The following TTC3 variants were observed in gnomAD, a reference collection of about 807,000 sequenced individuals.
TTC3 encodes the protein E3 ubiquitin-protein ligase TTC3.
In TTC3, 180 loss-of-function variants were observed where a neutral mutation model predicts 249.6. The ratio of observed to expected loss-of-function variants is 0.72; its 90% CI spans 0.64 to 0.82. The LOEUF is 0.82. TTC3 is among the 40% of genes least tolerant of loss of function. TTC3 has a pLI of 0.00. For synonymous variants in TTC3, 717 were observed against 805.0 expected (o/e 0.89, Z 1.85); for missense variants, 2,061 against 2,398.4 (o/e 0.86, Z 2.94).
chr21:37,119,870 A>G (rs1474801117), intron 11 of TTC3, among the ~76,000 whole-genome samples: 1 of 152,098 alleles, frequency 6.6e-6, no homozygotes, highest in Non-Finnish European at 1.5e-5. Context: ...AAAGACTTTT[A>G]CCATGTAGTG....
At chr21:37,174,058 G>A (rs2082030872) in intron 35 of TTC3, among the ~76,000 whole-genome samples, 1 of 152,196 alleles carries the variant, frequency 6.6e-6, no homozygotes, top group Non-Finnish European at 1.5e-5. Flanking sequence ...AGTCTTAAAG[G>A]TAGCATTCAG....
chr21:37,090,549 A>T, intron 6 of TTC3: 21 of 938,114 alleles, frequency 2.2e-5, no homozygotes, highest in Non-Finnish European at 2.7e-5. Flanking sequence ...TAGATTATTT[A>T]CCTGGCTTAT....
intron 1 of TTC3, among the ~76,000 whole-genome samples, chr21:37,079,416 A>C (rs746213112): frequency 2.0e-5 from 3 of 151,272 alleles, no homozygotes; most frequent in Non-Finnish European, 4.4e-5. Flanking sequence ...TTTAGTAGTA[A>C]TTAGCAGTTG....
intron 33 of TTC3, 54 bp downstream of exon 33, chr21:37,166,669 AT>A: frequency 2.0e-6 from 3 of 1,507,312 alleles, no homozygotes. Flanking sequence ...TTTCCTTTTC[AT>A]TTTTCATTGC....
chr21:37,107,554 A>T (rs1462907382), intron 10 of TTC3, among the ~76,000 whole-genome samples: 1 of 152,216 alleles, frequency 6.6e-6, no homozygotes, highest in Non-Finnish European at 1.5e-5. Flanking sequence ...TCTACCTCAG[A>T]ACAGGTAGAA....
intron 20 of TTC3, among the ~76,000 whole-genome samples, chr21:37,141,290 G>A (rs2078423223): frequency 6.6e-6 from 1 of 152,168 alleles, no homozygotes; most frequent in South Asian, 2.1e-4. Context: ...ACCCAATATA[G>A]AGGTAGGTAT....
chr21:37,128,123 A>G (rs371218577), intron 15 of TTC3, among the ~76,000 whole-genome samples: 39 of 152,308 alleles, frequency 2.6e-4, no homozygotes, highest in African/African-American at 2.9e-4. Flanking sequence ...CCTTTCCAAA[A>G]GCTGCTTTTG....
intron 10 of TTC3, chr21:37,099,037 G>A (rs751014802): frequency 6.6e-6 from 1 of 152,186 alleles, no homozygotes; most frequent in Non-Finnish European, 1.5e-5. Flanking sequence ...TGCTGTCATT[G>A]AAGCAAGAAT....
chr21:37,138,178 G>T (rs1010691936), intron 18 of TTC3, among the ~76,000 whole-genome samples: 1 of 152,032 alleles, frequency 6.6e-6, no homozygotes, highest in Non-Finnish European at 1.5e-5. Flanking sequence ...CTACAGTATC[G>T]CTAAAACATA....
intron 18 of TTC3, among the ~76,000 whole-genome samples, chr21:37,137,602 T>C (rs1374944508): frequency 1.3e-5 from 2 of 152,154 alleles, no homozygotes; most frequent in African/African-American, 4.8e-5. Context: ...TTTCTTGAAA[T>C]GGAATCTACT....
intron 18 of TTC3, among the ~76,000 whole-genome samples, chr21:37,137,802 C>G (rs2078092358): frequency 6.6e-6 from 1 of 152,134 alleles, no homozygotes; most frequent in Non-Finnish European, 1.5e-5. Flanking sequence ...ACTTCATTGT[C>G]TTATTTTAAG....
exon 33 of TTC3, chr21:37,166,593 A>C: frequency 1.9e-6 from 3 of 1,612,834 alleles, no homozygotes; most frequent in Non-Finnish European, 2.5e-6. Flanking sequence ...AACATTCCAC[A>C]CGTGCAGATG....
At chr21:37,121,753 T>C (rs1696958642) in intron 11 of TTC3, 64 bp from the exon 12 acceptor site, 2 of 1,427,986 alleles carry the variant, frequency 1.4e-6, no homozygotes, top group Non-Finnish European at 1.9e-6. Flanking sequence ...ACATTTTTCC[T>C]TACCTGTTTT....
intron 10 of TTC3, among the ~76,000 whole-genome samples, chr21:37,103,155 A>C (rs2074684541): frequency 6.6e-6 from 1 of 152,198 alleles, no homozygotes. Context: ...GCAAATCCAC[A>C]TGGAAACTAG....
intron 12 of TTC3, 62 bp from the exon 13 acceptor site, chr21:37,122,921 T>A (rs2076740219): frequency 1.3e-6 from 2 of 1,569,910 alleles, no homozygotes; most frequent in South Asian, 2.3e-5. Flanking sequence ...TTGAAATCTT[T>A]TAAAGTCTGT....
At chr21:37,180,708 T>C (rs2082679434) in intron 35 of TTC3, among the ~76,000 whole-genome samples, 1 of 150,046 alleles carries the variant, frequency 6.7e-6, no homozygotes. Context: ...CATGTATACA[T>C]ATGTAACTAA....
chr21:37,111,200 A>G (rs964930343), intron 11 of TTC3, among the ~76,000 whole-genome samples: 1 of 152,214 alleles, frequency 6.6e-6, no homozygotes, highest in Non-Finnish European at 1.5e-5. Flanking sequence ...ATTCATGCAT[A>G]ACAATACTAA....
intron 41 of TTC3, chr21:37,194,040 A>T (rs1006480083): frequency 6.6e-6 from 1 of 152,098 alleles, no homozygotes; most frequent in Admixed American, 6.5e-5. Flanking sequence ...CAGAGAACAC[A>T]CTCCTTTCAT....
At chr21:37,159,775 G>T (rs369389288) in intron 29 of TTC3, 30 bp downstream of exon 29, 2 of 1,455,770 alleles carry the variant, frequency 1.4e-6, no homozygotes, top group South Asian at 2.3e-5. Context: ...TGAATCTTAC[G>T]TTCTAATCTG....
Sources: gnomAD v4.1 joint callset for allele counts (sites outside exome capture counted in the v4.1 genomes callset) on GRCh38, gnomAD v4.1.1 for gene constraint, MANE v1.5 for transcripts, NCBI Gene and HGNC (gene_info 2026-07-23, HGNC 2026-07-21) for gene names.